TWSG1: variants seen among roughly 807,000 people sequenced by gnomAD.
TWSG1 encodes the protein twisted gastrulation BMP signaling modulator 1, also known as twisted gastrulation protein homolog 1.
TWSG1 carries 15 observed loss-of-function variants against 23.0 expected under a neutral mutation model. That is an observed-to-expected ratio of 0.65 (90% CI 0.44 to 1.00). The LOEUF is 1.00. Ranked by LOEUF, TWSG1 falls within the 50% of genes least tolerant of loss-of-function variation. TWSG1 has a pLI of 0.00. For synonymous variants in TWSG1, 86 were observed against 92.8 expected, an observed-to-expected ratio of 0.93 and a Z score of 0.42; for missense variants, 242 against 278.7, an observed-to-expected ratio of 0.87 and a Z score of 0.94.
chr18:9,354,511 T>C (rs1351327579), intron 2 of TWSG1, among the ~76,000 whole-genome samples: 2 of 152,208 alleles, frequency 1.3e-5, no homozygotes, highest in Non-Finnish European at 2.9e-5. Flanking sequence ...AAATTTCAAC[T>C]CTACCGTATT....
intron 2 of TWSG1, among the ~76,000 whole-genome samples, chr18:9,348,411 C>A (rs1598821781): frequency 6.6e-6 from 1 of 152,152 alleles, no homozygotes. Flanking sequence ...GGGCCCTGGA[C>A]CTCTTAAGGG....
At chr18:9,374,570 A>G (rs952967762) in intron 3 of TWSG1, among the ~76,000 whole-genome samples, 23 of 152,220 alleles carry the variant, frequency 1.5e-4, no homozygotes, top group African/African-American at 2.4e-4. Context: ...ACCAGACCCA[A>G]TGGGTTTACT....
At chr18:9,335,472 A>C (rs1018641719) in intron 1 of TWSG1, among the ~76,000 whole-genome samples, 1 of 152,230 alleles carries the variant, frequency 6.6e-6, no homozygotes, top group African/African-American at 2.4e-5. Flanking sequence ...TTTCCAGTGA[A>C]ATTTGGGGAG....
Position 9,400,461 on chromosome 18 carries a change from T to C in TWSG1, c.*934T>C, listed in dbSNP as rs1019362351. On this transcript the variant is annotated 3_prime_UTR_variant, in exon 5 of 5. Transcript: ENST00000262120. ...AGGCTGAGCCAGTGCGAGACTGAAC[T>C]TGTGCAGCCTTAGCCAAGACAAAGC... The C allele has an allele frequency of 2.0e-5, 3 of 152,142 alleles. No homozygotes were observed. The highest frequency in any genetic ancestry group is 4.4e-5 in the Non-Finnish European group (3 of 68,028). The allele number at this position is 152,142 out of a possible 1,614,324, so 9.4% of individuals were successfully genotyped here.
At chr18:9,348,162 C>A (rs1459519464) in intron 2 of TWSG1, among the ~76,000 whole-genome samples, 4 of 152,194 alleles carry the variant, frequency 2.6e-5, no homozygotes, top group Admixed American at 2.6e-4. Context: ...TGAGGCTAAT[C>A]ATCTTCCTGA....
intron 3 of TWSG1, among the ~76,000 whole-genome samples, chr18:9,367,496 A>G (rs572564597): frequency 3.4e-4 from 51 of 152,184 alleles, no homozygotes; most frequent in African/African-American, 6.7e-4. Flanking sequence ...AGGTTCATCC[A>G]TGTTGTAAAT....
chr18:9,344,329 A>G (rs2040463843), intron 2 of TWSG1, among the ~76,000 whole-genome samples: 1 of 152,112 alleles, frequency 6.6e-6, no homozygotes, highest in South Asian at 2.1e-4. Context: ...TGGCTGCACT[A>G]TTTTACATTC....
At chr18:9,344,803 A>G (rs1204553306) in intron 2 of TWSG1, among the ~76,000 whole-genome samples, 1 of 151,992 alleles carries the variant, frequency 6.6e-6, no homozygotes, top group Non-Finnish European at 1.5e-5. Flanking sequence ...ACTGGAGTGC[A>G]GTTGCTCTAT....
intron 2 of TWSG1, 81 bp downstream of exon 2, chr18:9,337,433 A>G: frequency 2.1e-6 from 3 of 1,432,172 alleles, no homozygotes; most frequent in Non-Finnish European, 2.9e-6. Context: ...TATAGAGTGC[A>G]TATATCATAT....
At chr18:9,336,079 G>T (rs1289579373) in intron 1 of TWSG1, among the ~76,000 whole-genome samples, 1 of 152,110 alleles carries the variant, frequency 6.6e-6, no homozygotes, top group Non-Finnish European at 1.5e-5. Flanking sequence ...TTTGAAGAAT[G>T]TGTGGTACTA....
intron 2 of TWSG1, among the ~76,000 whole-genome samples, chr18:9,358,448 C>G (rs1012884217): frequency 2.6e-5 from 4 of 152,102 alleles, no homozygotes; most frequent in African/African-American, 9.7e-5. Context: ...GAAGAAAGGT[C>G]ATATAGTTCA....
intron 2 of TWSG1, among the ~76,000 whole-genome samples, chr18:9,346,379 TACTG>T (rs1445874699): frequency 6.6e-6 from 1 of 152,242 alleles, no homozygotes; most frequent in Non-Finnish European, 1.5e-5. Context: ...TGAATGTACT[TACTG>T]ATTAATATTG....
At chr18:9,395,221 C>T (rs1045204450) in intron 3 of TWSG1, among the ~76,000 whole-genome samples, 8 of 152,174 alleles carry the variant, frequency 5.3e-5, no homozygotes, top group Admixed American at 2.6e-4. Flanking sequence ...TTGGCAACAT[C>T]ACCACCTCCC....
rs2040758363 is a variant in TWSG1 at position 9,400,545 on chromosome 18, G to C, written c.*1018G>C. On this transcript the variant is annotated 3_prime_UTR_variant, in exon 5 of 5. Transcript: ENST00000262120. ...ATTGAAGAAGAGAATTGACTCGTAT[G>C]AACAGGACAGGGTGAAAATGCTGGG... 1.3e-5 allele frequency: 2 copies of C among 152,194 alleles called. No individual in the cohort carries two copies. The highest frequency in any genetic ancestry group is 3.8e-4 in the East Asian group (2 of 5,204). The allele number at this position is 152,194 out of a possible 1,614,324, so 9.4% of individuals were successfully genotyped here. A position where few individuals can be genotyped will look rare whatever the true frequency, so the allele number is the denominator to read the frequency against.
chr18:9,360,186 A>G, intron 3 of TWSG1, 115 bp downstream of exon 3: 1 of 725,172 alleles, frequency 1.4e-6, no homozygotes, highest in Non-Finnish European at 2.3e-6. Context: ...TGTGTGTGAA[A>G]TATAGTAAAC....
intron 3 of TWSG1, among the ~76,000 whole-genome samples, chr18:9,375,019 T>C (rs1203242028): frequency 1.3e-5 from 2 of 151,922 alleles, no homozygotes; most frequent in African/African-American, 4.8e-5. Flanking sequence ...TACAAAAAAT[T>C]AGCTGGGCGT....
chr18:9,389,494 C>A (rs1357281459), intron 3 of TWSG1, among the ~76,000 whole-genome samples: 1 of 152,088 alleles, frequency 6.6e-6, no homozygotes, highest in Non-Finnish European at 1.5e-5. Flanking sequence ...TTATCTGCAC[C>A]TATTTCTTCT....
At chr18:9,359,853 A>T (rs1214469564) in intron 2 of TWSG1, 119 bp from the exon 3 acceptor site, 4 of 641,782 alleles carry the variant, frequency 6.2e-6, no homozygotes, top group Non-Finnish European at 1.0e-5. Context: ...GTTGAATAAA[A>T]AATTATGTGA....
chr18:9,367,871 A>T (rs1356697238), intron 3 of TWSG1, among the ~76,000 whole-genome samples: 1 of 152,184 alleles, frequency 6.6e-6, no homozygotes, highest in African/African-American at 2.4e-5. Flanking sequence ...TTTATATTGT[A>T]TAAATATACC....
Sources: allele counts gnomAD v4.1 joint callset (sites outside exome capture counted in the v4.1 genomes callset), GRCh38; gene constraint gnomAD v4.1.1; transcripts MANE v1.5; gene names NCBI Gene and HGNC (gene_info 2026-07-23, HGNC 2026-07-21).